ANKRD30A: variants seen among roughly 807,000 people sequenced by gnomAD.
The protein encoded by ANKRD30A is ankyrin repeat domain 30A.
A neutral mutation model predicts 166.3 loss-of-function variants in ANKRD30A; 170 were observed. That is an observed-to-expected ratio of 1.02 (90% confidence interval 0.90 to 1.16). The LOEUF is 1.16. Among genes scored for constraint, ANKRD30A ranks in the 50% most tolerant of loss-of-function variants. The probability of loss-of-function intolerance (pLI) is 0.00; values close to 1 mark genes in which losing one functional copy is unlikely to be tolerated. For synonymous variants in ANKRD30A, 564 were observed against 508.9 expected (o/e 1.11, Z -1.46); for missense variants, 1,630 against 1,518.0 (o/e 1.07, Z -1.23).
intron 27 of ANKRD30A, among the ~76,000 whole-genome samples, chr10:37,194,596 C>G (rs902082969): frequency 2.0e-5 from 3 of 152,210 alleles, no homozygotes; most frequent in South Asian, 2.1e-4. Context: ...GCGCCCGTCT[C>G]GGCCTCCCAA....
chr10:37,165,153 G>A lies in ANKRD30A; in HGVS notation c.2062G>A (p.Glu688Lys), dbSNP rs1429826387. Residue 688 changes from glutamate (E) to lysine (K), a missense_variant and splice_region_variant, in exon 18 of 36, where the codon GAG (glutamate) becomes AAG (lysine). By Grantham distance (56) the Glu-to-Lys change is moderately conservative. Coordinates refer to ENST00000361713, the MANE Select transcript of ANKRD30A (RefSeq NM_052997.3). ...CTATGAAGAAAATTCTTGGGATACT[G>A]AGGTACTGTGTGTTGTTGATTTTTT... ...KDYEENSWDT[E>K]SLCETVSQKD... 6.2e-7 allele frequency: 1 copy of A among 1,606,420 alleles called. No homozygotes were observed. Among genetic ancestry groups the A allele is most frequent in the Non-Finnish European group, 8.5e-7 (1 of 1,173,506 alleles).
chr10:37,207,121 C>T (rs1339871092), intron 31 of ANKRD30A, among the ~76,000 whole-genome samples: 2 of 152,086 alleles, frequency 1.3e-5, no homozygotes, highest in East Asian at 3.9e-4. Flanking sequence ...AAAATTACAC[C>T]ATGTGTATGG....
intron 31 of ANKRD30A, among the ~76,000 whole-genome samples, chr10:37,212,305 C>T (rs1842374996): frequency 1.3e-5 from 2 of 152,010 alleles, no homozygotes; most frequent in Admixed American, 1.3e-4. Context: ...AGGAATCCAA[C>T]TTACAAGGGA....
chr10:37,158,529 A>G lies in ANKRD30A; in HGVS notation c.1843A>G (p.Lys615Glu), dbSNP rs1176591695. The change falls in exon 15 of 36, where the codon AAA (lysine) becomes GAA (glutamate). Residue 615 changes from lysine (K) to glutamate (E), a missense_variant. Lys to Glu is a moderately conservative substitution (Grantham distance 56). Coordinates refer to ENST00000361713, the MANE Select transcript of ANKRD30A (RefSeq NM_052997.3). ...DGLLKATCGM[K>E]VSIPTKALEL... ...ACCCATTTAGGCTACCTGCGGAATG[A>G]AAGTTTCTATTCCAACTAAAGCCTT... is the stretch of plus-strand genomic sequence containing the variant. 1 of 1,613,622 alleles carries G rather than the reference A, an allele frequency of 6.2e-7. No homozygotes were observed. Among genetic ancestry groups the G allele is most frequent in the Admixed American group, 1.7e-5 (1 of 60,002 alleles).
the ANKRD30A span, chr10:37,242,087 G>C: frequency 1.3e-5 from 2 of 152,150 alleles, no homozygotes; most frequent in East Asian, 3.8e-4. Flanking sequence ...TGTTGCAAAA[G>C]ATTCCATTCA....
At chr10:37,236,887 T>A (rs11011076), downstream of ANKRD30A, among the ~76,000 whole-genome samples, 2,431 of 152,334 alleles carry the variant, frequency 0.016, 150 homozygotes, top group East Asian at 0.15. Context: ...ATCACCTGGC[T>A]TGATAACATT....
chr10:37,255,328 G>T, the ANKRD30A span, among the ~76,000 whole-genome samples: 1 of 152,080 alleles, frequency 6.6e-6, no homozygotes, highest in African/African-American at 2.4e-5. Context: ...CATTGTTCCA[G>T]TGATAAACAC....
intron 15 of ANKRD30A, among the ~76,000 whole-genome samples, chr10:37,159,171 A>G (rs1474300404): frequency 2.6e-5 from 4 of 152,164 alleles, no homozygotes; most frequent in African/African-American, 9.7e-5. Flanking sequence ...TTGCCTAGAG[A>G]TACAAAACAG....
chr10:37,249,406 A>G, the ANKRD30A span, among the ~76,000 whole-genome samples: 1 of 152,174 alleles, frequency 6.6e-6, no homozygotes, highest in Non-Finnish European at 1.5e-5. Flanking sequence ...TGAGGTGGGA[A>G]GTAAGTAAAT....
At position 37,141,870 on chromosome 10, in the gene ANKRD30A, C is replaced by T. The variant is rs772941971; in HGVS notation, c.973C>T (p.Pro325Ser). The T allele has an allele frequency of 6.2e-7, 1 of 1,614,020 alleles. No homozygotes were observed. The highest frequency in any genetic ancestry group is 8.5e-7 in the Non-Finnish European group (1 of 1,180,006). ...GGCTGAAAGCTTGGTGGAAAAAACA[C>T]CTGATGAGGCTGCATCCTTGGTGGA... Reference protein sequence around the residue: ...DTAESLVEKTPDEAASLVEGT... With the variant: ...DTAESLVEKTSDEAASLVEGT... Residue 325 changes from proline to serine, a missense_variant, in exon 7 of 36, where the codon CCT becomes TCT. This residue lies in a region of ANKRD30A where 904 missense variants were observed against 818.5 expected (regional missense o/e 1.10). Transcript: ENST00000361713.
the ANKRD30A span, among the ~76,000 whole-genome samples, chr10:37,257,912 C>G: frequency 6.6e-6 from 1 of 152,148 alleles, no homozygotes. Flanking sequence ...GGGAGTTGAA[C>G]AATGAGAACA....
rs1839038987 is a variant in ANKRD30A, at chr10:37,162,846, C to T, written c.2000C>T (p.Ala667Val). 6.2e-7 allele frequency: 1 copy of T among 1,613,008 alleles called. No individual in the cohort carries two copies. Among genetic ancestry groups the T allele is most frequent in the Non-Finnish European group, 8.5e-7 (1 of 1,179,460 alleles). The change falls in exon 17 of 36, where the codon GCA becomes GTA. Residue 667 changes from alanine to valine, a missense_variant and splice_region_variant. Around this residue, in one of 4 missense-constraint regions of ANKRD30A, gnomAD observed 904 missense variants for 818.5 expected, o/e 1.10. Transcript: ENST00000361713. Reference protein sequence around the residue: ...LELKNEQTLRADEILPSESKQ... With the variant: ...LELKNEQTLRVDEILPSESKQ... ...TTGAAAAATGAACAAACATTGAGAG[C>T]AGGTAAATTTTTCAATGTAACTATG...
intron 15 of ANKRD30A, among the ~76,000 whole-genome samples, chr10:37,161,660 G>C (rs1276169275): frequency 6.6e-6 from 1 of 152,108 alleles, no homozygotes; most frequent in Non-Finnish European, 1.5e-5. Flanking sequence ...AGTCCTACTA[G>C]AATTGGGGGA....
At chr10:37,165,791 G>C (rs965099685) in intron 18 of ANKRD30A, among the ~76,000 whole-genome samples, 29 of 152,084 alleles carry the variant, frequency 1.9e-4, no homozygotes, top group African/African-American at 6.8e-4. Flanking sequence ...AGCTACAGCA[G>C]CATGAGCGTC....
chr10:37,158,255 A>C lies in ANKRD30A; in HGVS notation c.1799-137A>C, dbSNP rs1468391285. Reference sequence around the variant, plus strand: ...GGCATGATAACAAATACAATAACCCAAAAGACCCCAAAACATAGTGTAATC... The same window carrying C: ...GGCATGATAACAAATACAATAACCCCAAAGACCCCAAAACATAGTGTAATC... On this transcript the variant is annotated intron_variant, in intron 13 of 35. Transcript: ENST00000361713. 5.0e-6 allele frequency: 7 copies of C among 1,391,762 alleles called. No individual in the cohort carries two copies. In the African/African-American group the frequency reaches 5.8e-5, roughly 12 times the overall value. The allele number at this position is 1,391,762 out of a possible 1,614,324, so 86.2% of individuals were successfully genotyped here. A position where few individuals can be genotyped will look rare whatever the true frequency, so the allele number is the denominator to read the frequency against.
chr10:37,147,952 A>C (rs1420869337), intron 9 of ANKRD30A, among the ~76,000 whole-genome samples: 1 of 152,230 alleles, frequency 6.6e-6, no homozygotes, highest in Non-Finnish European at 1.5e-5. Flanking sequence ...CTGGGAAGGC[A>C]TTAGGAATGG....
At chr10:37,227,913 G>A (rs1421317488) in intron 34 of ANKRD30A, among the ~76,000 whole-genome samples, 1 of 151,978 alleles carries the variant, frequency 6.6e-6, no homozygotes, top group Non-Finnish European at 1.5e-5. Context: ...TATTGGAAAT[G>A]GAGCTAATTC....
chr10:37,222,378 T>C (rs866589269), intron 34 of ANKRD30A, among the ~76,000 whole-genome samples: 1 of 151,386 alleles, frequency 6.6e-6, no homozygotes, highest in African/African-American at 2.4e-5. Context: ...GTTTAATGAG[T>C]GGCTTCTCTT....
chr10:37,234,819 C>T (rs1159782526), downstream of ANKRD30A, among the ~76,000 whole-genome samples: 1 of 152,086 alleles, frequency 6.6e-6, no homozygotes, highest in African/African-American at 2.4e-5. Context: ...CAAGCTAAAA[C>T]CGTATTCCTA....
Sources: gnomAD v4.1 joint callset for allele counts (sites outside exome capture counted in the v4.1 genomes callset) on GRCh38, gnomAD v4.1.1 for gene constraint, gnomAD v4.1.1 regional missense constraint, MANE v1.5 for transcripts, NCBI Gene and HGNC (gene_info 2026-07-23, HGNC 2026-07-21) for gene names.